Variants in ADGRL3 observed in about 807,000 individuals in gnomAD.
ADGRL3 encodes the protein calcium-independent alpha-latrotoxin receptor 3.
ADGRL3 carries 62 observed loss-of-function variants against 153.5 expected under a neutral mutation model. The ratio of observed to expected loss-of-function variants is 0.40; its 90% CI spans 0.33 to 0.50. The LOEUF is 0.50. ADGRL3 is among the 20% of genes least tolerant of loss of function. ADGRL3 has a pLI of 0.47. For synonymous variants in ADGRL3, 710 were observed against 672.5 expected (o/e 1.06, Z -0.86); for missense variants, 1,641 against 1,859.4 (o/e 0.88, Z 2.16).
chr4:61,847,651 A>T (rs1467856177), intron 9 of ADGRL3, among the ~76,000 whole-genome samples: 23 of 64,008 alleles, frequency 3.6e-4, no homozygotes, highest in African/African-American at 1.3e-3. Flanking sequence ...TATAATATAA[A>T]ATATATTATA....
At chr4:61,878,333 A>G (rs2098488066) in intron 9 of ADGRL3, among the ~76,000 whole-genome samples, 3 of 152,204 alleles carry the variant, frequency 2.0e-5, no homozygotes, top group African/African-American at 7.2e-5. Flanking sequence ...AAAGGGGAGC[A>G]TAATTGAGCC....
intron 8 of ADGRL3, among the ~76,000 whole-genome samples, chr4:61,804,907 T>C (rs966296463): frequency 1.5e-4 from 23 of 151,948 alleles, no homozygotes; most frequent in African/African-American, 5.5e-4. Flanking sequence ...ACCTATGAAC[T>C]TTGTTTCCTG....
At position 61,543,497 on chromosome 4, in the gene ADGRL3, A is replaced by G. The variant is rs192213188; in HGVS notation, c.259+25979A>G. Among the ~76,000 whole-genome samples, 631 of 152,340 alleles carry G rather than the reference A, an allele frequency of 4.1e-3. 4 individuals carry two copies. Among genetic ancestry groups the G allele is most frequent in the African/African-American group, 0.014 (593 of 41,578 alleles). ...GGCTGATTTTAGCCCGGAGAGAAGCATGCCAGATTTTTGACCTGCAGAACT... is the reference window on the plus strand; with the variant it reads ...GGCTGATTTTAGCCCGGAGAGAAGCGTGCCAGATTTTTGACCTGCAGAACT... On this transcript the variant is annotated intron_variant, in intron 4 of 26. Coordinates refer to ENST00000683033, the MANE Select transcript of ADGRL3 (RefSeq NM_001387552.1).
chr4:61,891,088 C>T (rs974813851), intron 9 of ADGRL3, among the ~76,000 whole-genome samples: 2 of 152,028 alleles, frequency 1.3e-5, no homozygotes, highest in African/African-American at 4.8e-5. Context: ...TTATGAATCA[C>T]GAGCTTTGAT....
chr4:61,624,657 A>T (rs1322634145), intron 5 of ADGRL3, among the ~76,000 whole-genome samples: 2 of 152,066 alleles, frequency 1.3e-5, no homozygotes, highest in Non-Finnish European at 2.9e-5. Context: ...AATAGTCCAT[A>T]AAGTCATTTT....
intron 2 of ADGRL3, among the ~76,000 whole-genome samples, chr4:61,462,513 C>T (rs1346846786): frequency 6.6e-6 from 1 of 151,982 alleles, no homozygotes; most frequent in African/African-American, 2.4e-5. Flanking sequence ...ATATGTTGGG[C>T]TTGGTTTCAT....
At chr4:61,214,109 ATTC>A (rs1296178595) in intron 1 of ADGRL3, among the ~76,000 whole-genome samples, 2 of 152,188 alleles carry the variant, frequency 1.3e-5, no homozygotes, top group African/African-American at 4.8e-5. Flanking sequence ...CTCTTTGGTT[ATTC>A]TTAAGAATTA....
In ADGRL3 at chr4:61,608,002, G is replaced by A. The variant is rs113073157; in HGVS notation, c.473+20562G>A. ...GATTTCTCTCACTGTCACCATCTTC[G>A]CAAAGGTAGTTTCATTGTTAATTGG... On this transcript the variant is annotated intron_variant, in intron 5 of 26. Transcript: ENST00000683033. Among the ~76,000 whole-genome samples the A allele has an allele frequency of 1.1e-4, 16 of 152,262 alleles. 1 individual carries two copies. The highest frequency in any genetic ancestry group is 3.4e-4 in the African/African-American group (14 of 41,568).
intron 5 of ADGRL3, 75 bp from the exon 6 acceptor site, chr4:61,676,751 A>G: frequency 2.0e-6 from 2 of 1,016,320 alleles, no homozygotes; most frequent in Non-Finnish European, 3.1e-6. Flanking sequence ...GAACTAAAAT[A>G]AAATTAGTGT....
intron 8 of ADGRL3, among the ~76,000 whole-genome samples, chr4:61,809,170 A>G (rs2097581577): frequency 6.6e-6 from 1 of 152,152 alleles, no homozygotes; most frequent in African/African-American, 2.4e-5. Context: ...CACTATATAG[A>G]AAATGGCGAA....
rs115940456 is a variant in ADGRL3, at chr4:62,074,284, C to T, written c.*3376C>T. ...AGAAGTAAAACTTATGCCACCGAAA[C>T]AAACAAATGATTACTTTCTTGTCAA... is the stretch of plus-strand genomic sequence containing the variant. On this transcript the variant is annotated 3_prime_UTR_variant, in exon 27 of 27. Coordinates refer to ENST00000683033, the MANE Select transcript of ADGRL3 (RefSeq NM_001387552.1). 6.6e-6 allele frequency: 1 copy of T among 152,044 alleles called. No individual in the cohort carries two copies. Among genetic ancestry groups the T allele is most frequent in the Non-Finnish European group, 1.5e-5 (1 of 68,004 alleles). 9.4% of individuals were successfully genotyped at this position (152,044 alleles called of 1,614,324 possible). A position where few individuals can be genotyped will look rare whatever the true frequency, so the allele number is the denominator to read the frequency against.
At chr4:61,786,079 T>C (rs2097272741) in intron 8 of ADGRL3, among the ~76,000 whole-genome samples, 1 of 152,154 alleles carries the variant, frequency 6.6e-6, no homozygotes, top group South Asian at 2.1e-4. Context: ...AAGACAGTTA[T>C]ATATACTAGC....
intron 1 of ADGRL3, among the ~76,000 whole-genome samples, chr4:61,330,577 C>G (rs907755455): frequency 6.6e-6 from 1 of 152,082 alleles, no homozygotes; most frequent in African/African-American, 2.4e-5. Context: ...TTGGTTCCTT[C>G]TGGTGGGTTC....
At chr4:61,851,326 C>G (rs1185452551) in intron 9 of ADGRL3, among the ~76,000 whole-genome samples, 2 of 152,082 alleles carry the variant, frequency 1.3e-5, no homozygotes, top group African/African-American at 4.8e-5. Flanking sequence ...GTGACTCACA[C>G]CTGTGATCTC....
chr4:61,651,152 A>G lies in ADGRL3; in HGVS notation c.474-25674A>G, dbSNP rs184949603. ...GTTCTAGCTTATGGAGGCATTTTCTATATGAGAAAAGCATAGAAATCTTAA... is the reference window on the plus strand; with the variant it reads ...GTTCTAGCTTATGGAGGCATTTTCTGTATGAGAAAAGCATAGAAATCTTAA... On this transcript the variant is annotated intron_variant, in intron 5 of 26. Transcript: ENST00000683033. Among the ~76,000 whole-genome samples, 35 of 152,316 alleles carry G rather than the reference A, an allele frequency of 2.3e-4. 1 individual carries two copies. The East Asian group carries it at 6.4e-3, about 28-fold the overall frequency.
At chr4:61,534,664 A>T (rs535284041) in intron 4 of ADGRL3, among the ~76,000 whole-genome samples, 3 of 152,140 alleles carry the variant, frequency 2.0e-5, no homozygotes, top group East Asian at 1.9e-4. Flanking sequence ...TCCTTCATTA[A>T]ATGTATTCAT....
chr4:61,240,807 G>A (rs1254298076), intron 1 of ADGRL3, among the ~76,000 whole-genome samples: 2 of 151,990 alleles, frequency 1.3e-5, no homozygotes, highest in East Asian at 3.9e-4. Context: ...TTTCATGAGG[G>A]ATGAACCTAA....
At chr4:61,694,174 T>C (rs1304896058) in intron 6 of ADGRL3, among the ~76,000 whole-genome samples, 2 of 93,362 alleles carry the variant, frequency 2.1e-5, no homozygotes, top group Admixed American at 1.5e-4. Flanking sequence ...TAAAATTTTG[T>C]CATTATTTTT....
At chr4:61,990,060 A>G (rs2099098376) in intron 19 of ADGRL3, among the ~76,000 whole-genome samples, 2 of 152,038 alleles carry the variant, frequency 1.3e-5, no homozygotes, top group Admixed American at 1.3e-4. Context: ...AAATAAAAAT[A>G]AAAACTAAGG....
Sources: allele counts gnomAD v4.1 joint callset (sites outside exome capture counted in the v4.1 genomes callset), GRCh38; gene constraint gnomAD v4.1.1; transcripts MANE v1.5; gene names NCBI Gene and HGNC (gene_info 2026-07-23, HGNC 2026-07-21).